The following OSR2 variants were observed in gnomAD, a reference collection of about 807,000 sequenced individuals.
OSR2 encodes odd-skipped related transciption factor 2, also known as protein odd-skipped-related 2.
OSR2 carries 8 observed loss-of-function variants against 22.3 expected under a neutral mutation model. The ratio of observed to expected loss-of-function variants is 0.36; its 90% CI spans 0.21 to 0.65. The LOEUF (loss-of-function observed/expected upper bound fraction) is 0.65, where lower values mean the gene tolerates loss of function less well. Among genes scored for constraint, OSR2 ranks in the 30% least tolerant of loss-of-function variants. The pLI is 0.66. For synonymous variants in OSR2, 179 were observed against 173.8 expected, an observed-to-expected ratio of 1.03 and a Z score of -0.23; for missense variants, 311 against 413.4, an observed-to-expected ratio of 0.75 and a Z score of 2.15.
rs1840545203 is a variant in OSR2 at position 98,944,543 on chromosome 8, A to G, written c.-395A>G. The G allele has an allele frequency of 6.6e-6, 1 of 152,304 alleles. No homozygotes were observed. The highest frequency in any genetic ancestry group is 1.5e-5 in the Non-Finnish European group (1 of 68,102). 9.4% of individuals were successfully genotyped at this position (152,304 alleles called of 1,614,324 possible). A position where few individuals can be genotyped will look rare whatever the true frequency, so the allele number is the denominator to read the frequency against. The stretch of plus-strand genomic sequence containing the variant: ...GGCTCCGACCTCACCGGGAGTCGAC[A>G]GCGAGAGGTTCGCCGAAGAGCGAGG... On this transcript the variant is annotated 5_prime_UTR_variant, in exon 1 of 4. Transcript: ENST00000297565.
At chr8:98,944,917 C>T (rs191192736) in intron 1 of OSR2, 94 bp downstream of exon 1, 2 of 152,124 alleles carry the variant, frequency 1.3e-5, no homozygotes, top group Non-Finnish European at 2.9e-5. Flanking sequence ...CTGGTGTGCC[C>T]CAAATTCAGA....
At position 98,951,691 on chromosome 8, in the gene OSR2, A is replaced by G. The variant is rs1301651915; in HGVS notation, c.929A>G (p.Gln310Arg). Reference sequence around the variant, plus strand: ...CACAGCCTGACTCACACCCCGCGGCAGGACTTCTAGAGAAGCCCAGGATCT... The same window carrying G: ...CACAGCCTGACTCACACCCCGCGGCGGGACTTCTAGAGAAGCCCAGGATCT... The part of the protein sequence containing the change: ...RRHSLTHTPR[Q>R]DF The change falls in exon 4 of 4, where the codon CAG (glutamine) becomes CGG (arginine). Residue 310 changes from glutamine to arginine, a missense_variant. Gln to Arg is a conservative substitution (Grantham distance 43, BLOSUM62 1). Transcript: ENST00000297565. The G allele has an allele frequency of 1.9e-6, 3 of 1,612,884 alleles. No homozygotes were observed. The highest frequency in any genetic ancestry group is 2.5e-6 in the Non-Finnish European group (3 of 1,179,518).
In OSR2 at chr8:98,948,481, G is replaced by A; in HGVS notation, c.-114-358G>A. ...TGACTGAGCTTCGCCTAACAGGCTT[G>A]GGGAGGGTGGGCTGGGCTGGGCTGG... On this transcript the variant is annotated intron_variant, in intron 1 of 3. Transcript: ENST00000297565. This position sits in a 1 kb window ranked among gnomAD's most constrained non-coding sequence, Gnocchi z 6.0. 6 of 1,357,188 alleles carry A rather than the reference G, an allele frequency of 4.4e-6. No individual in the cohort carries two copies. Among genetic ancestry groups the A allele is most frequent in the Non-Finnish European group, 5.8e-6 (6 of 1,039,446 alleles). 84.1% of individuals were successfully genotyped at this position (1,357,188 alleles called of 1,614,324 possible).
At position 98,949,755 on chromosome 8, in the gene OSR2, T is replaced by C; in HGVS notation, c.656+147T>C. 1 of 968,076 alleles carries C rather than the reference T, an allele frequency of 1.0e-6. No homozygotes were observed. Among genetic ancestry groups the C allele is most frequent in the Non-Finnish European group, 1.5e-6 (1 of 663,374 alleles). 60.0% of individuals were successfully genotyped at this position (968,076 alleles called of 1,614,324 possible). On this transcript the variant is annotated intron_variant, in intron 2 of 3. Coordinates refer to ENST00000297565, the MANE Select transcript of OSR2 (RefSeq NM_001142462.3). This position sits in a 1 kb window ranked among gnomAD's most constrained non-coding sequence, Gnocchi z 5.9. Reference sequence around the variant, plus strand: ...ACGCTCCTCAGCCCGGTTCAGCTAATTCCCAACATCTACCCTTTCTTTCCC... The same window carrying C: ...ACGCTCCTCAGCCCGGTTCAGCTAACTCCCAACATCTACCCTTTCTTTCCC...
At position 98,949,743 on chromosome 8, in the gene OSR2, C is replaced by A; in HGVS notation, c.656+135C>A. The A allele has an allele frequency of 9.3e-7, 1 of 1,076,728 alleles. No individual in the cohort carries two copies. Among genetic ancestry groups the A allele is most frequent in the South Asian group, 1.7e-5 (1 of 59,880 alleles). 66.7% of individuals were successfully genotyped at this position (1,076,728 alleles called of 1,614,324 possible). On this transcript the variant is annotated intron_variant, in intron 2 of 3. Coordinates refer to ENST00000297565, the MANE Select transcript of OSR2 (RefSeq NM_001142462.3). This position sits in a 1 kb window ranked among gnomAD's most constrained non-coding sequence, Gnocchi z 5.9. Reference sequence around the variant, plus strand: ...ACACCCTCAGTCACGCTCCTCAGCCCGGTTCAGCTAATTCCCAACATCTAC... The same window carrying A: ...ACACCCTCAGTCACGCTCCTCAGCCAGGTTCAGCTAATTCCCAACATCTAC...
At position 98,948,168 on chromosome 8, in the gene OSR2, G is replaced by A; in HGVS notation, c.-114-671G>A. The stretch of plus-strand genomic sequence containing the variant: ...TTCTTTCCTGCGGCCCGTCACCGCT[G>A]ATAGATGGGGCTGAGGGCAGAGGAA... On this transcript the variant is annotated intron_variant, in intron 1 of 3. Transcript: ENST00000297565. This position sits in a 1 kb window ranked among gnomAD's most constrained non-coding sequence, Gnocchi z 6.0. 7.2e-7 allele frequency: 1 copy of A among 1,388,274 alleles called. No individual in the cohort carries two copies. The highest frequency in any genetic ancestry group is 9.3e-7 in the Non-Finnish European group (1 of 1,074,460). 86.0% of individuals were successfully genotyped at this position (1,388,274 alleles called of 1,614,324 possible).
At chr8:98,950,946 T>G in intron 3 of OSR2, 191 bp downstream of exon 3, 1 of 616,588 alleles carries the variant, frequency 1.6e-6, no homozygotes, top group Non-Finnish European at 2.9e-6. Context: ...ATTTTTATAT[T>G]TTTCTCAAAA....
rs1318465600 is a variant in OSR2 at position 98,949,311 on chromosome 8, A to G, written c.359A>G (p.Asn120Ser). 3.7e-6 allele frequency: 6 copies of G among 1,613,386 alleles called. No homozygotes were observed. Among genetic ancestry groups the G allele is most frequent in the African/African-American group, 1.3e-5 (1 of 74,912 alleles). Reference protein sequence around the residue: ...HKDRPRFDFANLAVAATQEDP... With the variant: ...HKDRPRFDFASLAVAATQEDP... ...GACCGGCCCCGTTTTGACTTTGCCA[A>G]TTTGGCGGTGGCTGCCACGCAAGAG... Residue 120 changes from asparagine to serine, a missense_variant, in exon 2 of 4, where the codon AAT (asparagine) becomes AGT (serine). By Grantham distance (46) the Asn-to-Ser change is conservative (BLOSUM62 1). Transcript: ENST00000297565. The surrounding 1 kb of genome is among the most constrained non-coding windows in gnomAD (Gnocchi z 5.9).
Position 98,948,467 on chromosome 8 carries a change from C to T in OSR2, c.-114-372C>T. On this transcript the variant is annotated intron_variant, in intron 1 of 3. Transcript: ENST00000297565. This position sits in a 1 kb window ranked among gnomAD's most constrained non-coding sequence, Gnocchi z 6.0. ...ATTGGCATTGCGGTTGACTGAGCTT[C>T]GCCTAACAGGCTTGGGGAGGGTGGG... 1 of 1,328,658 alleles carries T rather than the reference C, an allele frequency of 7.5e-7. No individual in the cohort carries two copies. Among genetic ancestry groups the T allele is most frequent in the Non-Finnish European group, 9.6e-7 (1 of 1,037,544 alleles). The allele number at this position is 1,328,658 out of a possible 1,614,324, so 82.3% of individuals were successfully genotyped here. A position where few individuals can be genotyped will look rare whatever the true frequency, so the allele number is the denominator to read the frequency against.
rs1840681962 is a variant in OSR2, at chr8:98,948,628, G to A, written c.-114-211G>A. 1 of 969,692 alleles carries A rather than the reference G, an allele frequency of 1.0e-6. No homozygotes were observed. Among genetic ancestry groups the A allele is most frequent in the South Asian group, 1.8e-5 (1 of 56,308 alleles). The allele number at this position is 969,692 out of a possible 1,614,324, so 60.1% of individuals were successfully genotyped here. A position where few individuals can be genotyped will look rare whatever the true frequency, so the allele number is the denominator to read the frequency against. On this transcript the variant is annotated intron_variant, in intron 1 of 3. Coordinates refer to ENST00000297565, the MANE Select transcript of OSR2 (RefSeq NM_001142462.3). This position sits in a 1 kb window ranked among gnomAD's most constrained non-coding sequence, Gnocchi z 6.0. Reference sequence around the variant, plus strand: ...TTCCTTTGGGCACGCGCTCGCCAGTGGAGCACTTCTTGTTCTGGCCCCGGG... The same window carrying A: ...TTCCTTTGGGCACGCGCTCGCCAGTAGAGCACTTCTTGTTCTGGCCCCGGG...
chr8:98,951,070 G>A (rs999873728), intron 3 of OSR2: 1 of 544,108 alleles, frequency 1.8e-6, no homozygotes, highest in East Asian at 3.0e-5. Flanking sequence ...GATAATGGAG[G>A]CATAGTGAAA....
intron 1 of OSR2, among the ~76,000 whole-genome samples, chr8:98,946,947 C>T (rs771070557): frequency 6.6e-6 from 1 of 151,920 alleles, no homozygotes; most frequent in Middle Eastern, 3.4e-3. Context: ...ATCCTCATTA[C>T]GCAAAGAGAA....
Position 98,951,770 on chromosome 8 carries a change from A to C in OSR2, c.*69A>C, listed in dbSNP as rs1587894137. 6.7e-7 allele frequency: 1 copy of C among 1,492,974 alleles called. No individual in the cohort carries two copies. The highest frequency in any genetic ancestry group is 2.5e-5 in the East Asian group (1 of 40,798). 92.5% of individuals were successfully genotyped at this position (1,492,974 alleles called of 1,614,324 possible). A position where few individuals can be genotyped will look rare whatever the true frequency, so the allele number is the denominator to read the frequency against. Reference sequence around the variant, plus strand: ...AGACACCTCTCCACGTCTCCTACCCAGGGGGTCGCATCCCTAGCCCTTCAC... The same window carrying C: ...AGACACCTCTCCACGTCTCCTACCCCGGGGGTCGCATCCCTAGCCCTTCAC... On this transcript the variant is annotated 3_prime_UTR_variant, in exon 4 of 4. Coordinates refer to ENST00000297565, the MANE Select transcript of OSR2 (RefSeq NM_001142462.3).
chr8:98,948,434 C>A lies in OSR2; in HGVS notation c.-114-405C>A. 8.6e-7 allele frequency: 1 copy of A among 1,160,592 alleles called. No individual in the cohort carries two copies. Among genetic ancestry groups the A allele is most frequent in the Non-Finnish European group, 1.1e-6 (1 of 935,166 alleles). The allele number at this position is 1,160,592 out of a possible 1,614,324, so 71.9% of individuals were successfully genotyped here. ...AGCGGCGACAGAGGTTCGCCCCGGCCTGCTAGCATTGGCATTGCGGTTGAC... is the reference window on the plus strand; with the variant it reads ...AGCGGCGACAGAGGTTCGCCCCGGCATGCTAGCATTGGCATTGCGGTTGAC... On this transcript the variant is annotated intron_variant, in intron 1 of 3. Transcript: ENST00000297565. The surrounding 1 kb of genome is among the most constrained non-coding windows in gnomAD (Gnocchi z 6.0).
In OSR2 at chr8:98,948,454, G is replaced by C; in HGVS notation, c.-114-385G>C. 2.0e-6 allele frequency: 2 copies of C among 1,018,852 alleles called. No individual in the cohort carries two copies. Among genetic ancestry groups the C allele is most frequent in the South Asian group, 3.8e-5 (2 of 52,474 alleles). 63.1% of individuals were successfully genotyped at this position (1,018,852 alleles called of 1,614,324 possible). A position where few individuals can be genotyped will look rare whatever the true frequency, so the allele number is the denominator to read the frequency against. The stretch of plus-strand genomic sequence containing the variant: ...CCGGCCTGCTAGCATTGGCATTGCG[G>C]TTGACTGAGCTTCGCCTAACAGGCT... On this transcript the variant is annotated intron_variant, in intron 1 of 3. Transcript: ENST00000297565. This position sits in a 1 kb window ranked among gnomAD's most constrained non-coding sequence, Gnocchi z 6.0.
Position 98,949,076 on chromosome 8 carries a change from G to A in OSR2, c.124G>A (p.Gly42Ser), listed in dbSNP as rs986764105. 8.1e-6 allele frequency: 13 copies of A among 1,613,808 alleles called. No individual in the cohort carries two copies. The highest frequency in any genetic ancestry group is 3.3e-5 in the Admixed American group (2 of 60,012). The change falls in exon 2 of 4, where the codon GGT becomes AGT. Residue 42 changes from glycine (G) to serine (S), a missense_variant. Gly to Ser is a moderately conservative substitution (Grantham distance 56). Coordinates refer to ENST00000297565, the MANE Select transcript of OSR2 (RefSeq NM_001142462.3). The surrounding 1 kb of genome is among the most constrained non-coding windows in gnomAD (Gnocchi z 5.9). Reference sequence around the variant, plus strand: ...GGTGGACCACCTGCAGGGCCTGTACGGTCTCAGCGCGGTACAGACCATGCA... The same window carrying A: ...GGTGGACCACCTGCAGGGCCTGTACAGTCTCAGCGCGGTACAGACCATGCA... ...ATVDHLQGLY[G>S]LSAVQTMHMN...
chr8:98,948,482 G>A lies in OSR2; in HGVS notation c.-114-357G>A. 7 of 1,361,530 alleles carry A rather than the reference G, an allele frequency of 5.1e-6. No homozygotes were observed. The South Asian group carries it at 1.1e-4, about 21-fold the overall frequency. 84.3% of individuals were successfully genotyped at this position (1,361,530 alleles called of 1,614,324 possible). A position where few individuals can be genotyped will look rare whatever the true frequency, so the allele number is the denominator to read the frequency against. ...GACTGAGCTTCGCCTAACAGGCTTG[G>A]GGAGGGTGGGCTGGGCTGGGCTGGG... On this transcript the variant is annotated intron_variant, in intron 1 of 3. Coordinates refer to ENST00000297565, the MANE Select transcript of OSR2 (RefSeq NM_001142462.3). The surrounding 1 kb of genome is among the most constrained non-coding windows in gnomAD (Gnocchi z 6.0).
At chr8:98,947,428 G>C (rs1840641231) in intron 1 of OSR2, among the ~76,000 whole-genome samples, 1 of 152,080 alleles carries the variant, frequency 6.6e-6, no homozygotes, top group African/African-American at 2.4e-5. Context: ...GGGAAGGCTG[G>C]AGTCTCTCCT....
intron 2 of OSR2, among the ~76,000 whole-genome samples, chr8:98,950,120 G>A (rs1483762025): frequency 6.6e-6 from 1 of 151,984 alleles, no homozygotes; most frequent in East Asian, 1.9e-4. Context: ...CCTCCCTTCC[G>A]CGACCTTAAA....
Sources: gnomAD v4.1 joint callset for allele counts (sites outside exome capture counted in the v4.1 genomes callset) on GRCh38, gnomAD v4.1.1 for gene constraint, Gnocchi (gnomAD v3.1) non-coding constraint, MANE v1.5 for transcripts, NCBI Gene and HGNC (gene_info 2026-07-23, HGNC 2026-07-21) for gene names.